Variants in ZNF217 observed in about 807,000 individuals in gnomAD.
ZNF217 encodes zinc finger protein 217.
Under a neutral mutation model 73.3 loss-of-function variants are expected in ZNF217, and 12 were observed. That is an observed-to-expected ratio of 0.16 (90% CI 0.10 to 0.27). The LOEUF (loss-of-function observed/expected upper bound fraction) is 0.27. ZNF217 is among the 10% of genes least tolerant of loss of function. The pLI, the probability that ZNF217 is intolerant of heterozygous loss-of-function variation, is 1.00. For missense variants in ZNF217, 1,195 were observed against 1,327.8 expected, an observed-to-expected ratio of 0.90 and a Z score of 1.55; for synonymous variants, 588 against 516.4, an observed-to-expected ratio of 1.14 and a Z score of -1.88.
chr20:53,576,395 G>T lies in ZNF217; in HGVS notation c.2369C>A (p.Ala790Glu), dbSNP rs367766581. The T allele has an allele frequency of 3.7e-6, 6 of 1,614,112 alleles. No individual in the cohort carries two copies. In the African/African-American group the frequency reaches 8.0e-5, roughly 22 times the overall value. The change falls in exon 4 of 6, where the codon GCG becomes GAG. Residue 790 changes from alanine (A) to glutamate (E), a missense_variant. Transcript: ENST00000371471. ...CCCAGGAGGGCTCTGCTTCCCCTTC[G>T]CAGATGGCAGGGATTTGGACTGCGC... ...FPAQSKSLPS[A>E]KGKQSPPGPG...
In ZNF217 at chr20:53,576,891, G is replaced by A. The variant is rs1235245075; in HGVS notation, c.1873C>T (p.Leu625=). The change falls in exon 4 of 6, where the codon CTG becomes TTG. Residue 625 remains leucine, a synonymous_variant. Transcript: ENST00000371471. Reference sequence around the variant, plus strand: ...TCAACTGCTGATCTCTTTTTTAACAGGTCCAGGTAAGCAGGGGTAGGGTTT... The same window carrying A: ...TCAACTGCTGATCTCTTTTTTAACAAGTCCAGGTAAGCAGGGGTAGGGTTT... ...NKNPTPAYLD[L]LKKRSAVETQ... 35 of 1,614,154 alleles carry A rather than the reference G, an allele frequency of 2.2e-5. No homozygotes were observed. Among genetic ancestry groups the A allele is most frequent in the Non-Finnish European group, 3.0e-5 (35 of 1,180,032 alleles).
chr20:53,567,994 A>C lies in ZNF217; in HGVS notation c.*1294T>G, dbSNP rs1031664883. The C allele has an allele frequency of 6.6e-6, 1 of 152,668 alleles. No individual in the cohort carries two copies. Among genetic ancestry groups the C allele is most frequent in the African/African-American group, 2.4e-5 (1 of 41,460 alleles). 9.5% of individuals were successfully genotyped at this position (152,668 alleles called of 1,614,324 possible). On this transcript the variant is annotated 3_prime_UTR_variant, in exon 6 of 6. Coordinates refer to ENST00000371471, the MANE Select transcript of ZNF217 (RefSeq NM_006526.3). ...AACTCAGCCATGGACAGCATATTAA[A>C]GAACAAAAGTTTAAAATATCTAGGA...
chr20:53,574,728 G>A (rs1359693618), intron 4 of ZNF217: 3 of 150,566 alleles, frequency 2.0e-5, no homozygotes, highest in Non-Finnish European at 4.4e-5. Flanking sequence ...CCAGGAGAAG[G>A]AGGTTTCAGT....
rs1987809907 is a variant in ZNF217, at chr20:53,567,830, T to C, written c.*1458A>G. Reference sequence around the variant, plus strand: ...AAGGAGGACATCTTACGTTGCATAATTTAAAAAAAAAAAATTTTTTCTAGG... The same window carrying C: ...AAGGAGGACATCTTACGTTGCATAACTTAAAAAAAAAAAATTTTTTCTAGG... On this transcript the variant is annotated 3_prime_UTR_variant, in exon 6 of 6. Coordinates refer to ENST00000371471, the MANE Select transcript of ZNF217 (RefSeq NM_006526.3). 6.6e-6 allele frequency: 1 copy of C among 152,182 alleles called. No individual in the cohort carries two copies. Among genetic ancestry groups the C allele is most frequent in the African/African-American group, 2.4e-5 (1 of 41,324 alleles). The allele number at this position is 152,182 out of a possible 1,614,324, so 9.4% of individuals were successfully genotyped here. A position where few individuals can be genotyped will look rare whatever the true frequency, so the allele number is the denominator to read the frequency against.
At position 53,571,834 on chromosome 20, in the gene ZNF217, A is replaced by G. The variant is rs368172658; in HGVS notation, c.3057T>C (p.Tyr1019=). The change falls in exon 5 of 6, where the codon TAT becomes TAC. Residue 1019 remains tyrosine (Y), a synonymous_variant. Transcript: ENST00000371471. The part of the protein sequence containing the change: ...STLEGKRPVS[Y]QHLSNSMAQK... Reference sequence around the variant, plus strand: ...GTGCCATGCTGTTAGATAAGTGTTGATATGACACAGGCCTTTTTCCTGATT... The same window carrying G: ...GTGCCATGCTGTTAGATAAGTGTTGGTATGACACAGGCCTTTTTCCTGATT... The G allele has an allele frequency of 6.2e-7, 1 of 1,609,840 alleles. No homozygotes were observed. The highest frequency in any genetic ancestry group is 1.1e-5 in the South Asian group (1 of 89,952).
At chr20:53,587,784 T>C (rs1339278222) in intron 1 of ZNF217, among the ~76,000 whole-genome samples, 1 of 146,532 alleles carries the variant, frequency 6.8e-6, no homozygotes, top group East Asian at 2.0e-4. Context: ...CTCTGAAAGT[T>C]TTTCCTCTGT....
chr20:53,585,500 G>A (rs184957238), intron 1 of ZNF217, among the ~76,000 whole-genome samples: 6 of 152,228 alleles, frequency 3.9e-5, no homozygotes, highest in South Asian at 2.1e-4. Context: ...AGCCAAGATC[G>A]CACCACTGGT....
intron 5 of ZNF217, among the ~76,000 whole-genome samples, chr20:53,571,508 G>T (rs895948490): frequency 6.8e-6 from 1 of 147,720 alleles, no homozygotes; most frequent in Non-Finnish European, 1.5e-5. Flanking sequence ...TTGTTCAAGT[G>T]ATTTTCCTGC....
Position 53,571,873 on chromosome 20 carries a change from T to A in ZNF217, c.3038-20A>T. On this transcript the variant is annotated intron_variant, in intron 4 of 5. Transcript: ENST00000371471. Reference sequence around the variant, plus strand: ...TTTTTCCTGATTGAAAAAAAAAACATATTTAGAGTTAAGGTCAAACAATTA... The same window carrying A: ...TTTTTCCTGATTGAAAAAAAAAACAAATTTAGAGTTAAGGTCAAACAATTA... 2 of 1,575,464 alleles carry A rather than the reference T, an allele frequency of 1.3e-6. No homozygotes were observed. Among genetic ancestry groups the A allele is most frequent in the Non-Finnish European group, 1.7e-6 (2 of 1,164,068 alleles).
chr20:53,593,032 G>A lies in ZNF217; in HGVS notation c.-343+724C>T, dbSNP rs532578988. Among the ~76,000 whole-genome samples, 29 of 150,366 alleles carry A rather than the reference G, an allele frequency of 1.9e-4. No homozygotes were observed. In the East Asian group the frequency reaches 3.9e-3, roughly 20 times the overall value. On this transcript the variant is annotated intron_variant, in intron 1 of 5. Transcript: ENST00000371471. The stretch of plus-strand genomic sequence containing the variant: ...AAAAAATCTTTAAAATTAGAGGAGG[G>A]AAAAAAAAAGCCACCTTATCGCACA...
rs34077406 is a variant in ZNF217 at position 53,591,436 on chromosome 20, T to G, written c.-343+2320A>C. 6.0e-3 allele frequency among the ~76,000 whole-genome samples: 919 copies of G among 152,308 alleles called. 1 individual carries two copies. Among genetic ancestry groups the G allele is most frequent in the Non-Finnish European group, 8.0e-3 (545 of 68,024 alleles). On this transcript the variant is annotated intron_variant, in intron 1 of 5. Transcript: ENST00000371471. ...ATCATTAAAATTCCAAACAAACAGA[T>G]TATTAATCCTATTCTAACAATTAAA...
At chr20:53,591,144 T>C (rs2145981063) in intron 1 of ZNF217, among the ~76,000 whole-genome samples, 1 of 152,262 alleles carries the variant, frequency 6.6e-6, no homozygotes, top group East Asian at 1.9e-4. Flanking sequence ...AGTGGTGTAT[T>C]AGTTCCTTTT....
chr20:53,597,293 TAGATACGGGACGTAAAAGAATTC>T (rs1989059134), upstream of ZNF217, among the ~76,000 whole-genome samples: 1 of 152,064 alleles, frequency 6.6e-6, no homozygotes. Flanking sequence ...AGAGCCAACA[TAGATACGGGACGTAAAAGAATTC>T]AGTGTTCAGA....
intron 2 of ZNF217, among the ~76,000 whole-genome samples, chr20:53,580,343 G>A (rs1026202218): frequency 2.0e-5 from 3 of 152,170 alleles, no homozygotes; most frequent in Non-Finnish European, 2.9e-5. Context: ...ACACTGAGAG[G>A]AGGAGGCACT....
At chr20:53,578,626 T>C (rs970862845) in intron 2 of ZNF217, among the ~76,000 whole-genome samples, 176 bp from the exon 3 acceptor site, 42 of 152,236 alleles carry the variant, frequency 2.8e-4, no homozygotes, top group African/African-American at 9.9e-4. Flanking sequence ...TGGAGGTTGT[T>C]TGAAGTTTTA....
upstream of ZNF217, among the ~76,000 whole-genome samples, chr20:53,595,858 T>A (rs997145505): frequency 6.6e-5 from 10 of 152,224 alleles, no homozygotes; most frequent in African/African-American, 2.4e-4. Context: ...CTATGAGCCT[T>A]GCTACACAAC....
Position 53,576,178 on chromosome 20 carries a change from T to C in ZNF217, c.2586A>G (p.Lys862=). ...DKTKRPETKL[K]PLPVAPSQPT... ...GCTGAGAAGGAGCTACTGGAAGAGG[T>C]TTCAATTTTGTCTCGGGTCTTTTTG... The change falls in exon 4 of 6, where the codon AAA becomes AAG. Residue 862 remains lysine, a synonymous_variant. Transcript: ENST00000371471. The C allele has an allele frequency of 6.2e-7, 1 of 1,613,608 alleles. No homozygotes were observed. The highest frequency in any genetic ancestry group is 2.2e-5 in the East Asian group (1 of 44,860).
At chr20:53,579,049 G>C (rs1382881379) in intron 2 of ZNF217, among the ~76,000 whole-genome samples, 3 of 152,214 alleles carry the variant, frequency 2.0e-5, no homozygotes, top group Non-Finnish European at 4.4e-5. Flanking sequence ...TGGAAAGCAG[G>C]CTGTATTGTC....
intron 1 of ZNF217, among the ~76,000 whole-genome samples, chr20:53,592,767 A>G (rs997074227): frequency 6.7e-6 from 1 of 149,994 alleles, no homozygotes; most frequent in African/African-American, 2.5e-5. Context: ...GGCCAAATCG[A>G]GAGACAAGAG....
Sources: gnomAD v4.1 joint callset for allele counts (sites outside exome capture counted in the v4.1 genomes callset) on GRCh38, gnomAD v4.1.1 for gene constraint, MANE v1.5 for transcripts, NCBI Gene and HGNC (gene_info 2026-07-23, HGNC 2026-07-21) for gene names.